CSNK1G1: variants seen among roughly 807,000 people sequenced by gnomAD.
CSNK1G1 encodes the protein casein kinase I isoform gamma-1.
CSNK1G1 carries 22 observed loss-of-function variants against 59.6 expected under a neutral mutation model. That is an observed-to-expected ratio of 0.37 (90% confidence interval 0.26 to 0.53). The LOEUF is 0.53. Among genes scored for constraint, CSNK1G1 ranks in the 20% least tolerant of loss-of-function variants. The probability of loss-of-function intolerance (pLI) is 0.89; values close to 1 mark genes in which losing one functional copy is unlikely to be tolerated. For missense variants in CSNK1G1, 384 were observed against 519.5 expected (o/e 0.74, Z 2.54); for synonymous variants, 179 against 177.1 (o/e 1.01, Z -0.08).
chr15:64,181,328 C>T, intron 10 of CSNK1G1: 1 of 1,536,100 alleles, frequency 6.5e-7, no homozygotes, highest in Non-Finnish European at 8.7e-7. Context: ...CTTCTGCCAC[C>T]TGGTTTCATT....
At position 64,166,243 on chromosome 15, in the gene CSNK1G1, CAGAT is replaced by C; in HGVS notation, c.*5684_*5687del. On this transcript the variant is annotated 3_prime_UTR_variant, in exon 12 of 12. Transcript: ENST00000303052. This position sits in a 1 kb window ranked among gnomAD's most constrained non-coding sequence, Gnocchi z 4.5. ...GAGTACAATGGGCAAAGATCAAAGA[CAGAT>C]AAATAATAATATAATAAATTAGAGC... 9.9e-6 allele frequency: 4 copies of C among 403,980 alleles called. No individual in the cohort carries two copies. Among genetic ancestry groups the C allele is most frequent in the Non-Finnish European group, 1.7e-5 (4 of 229,244 alleles). The allele number at this position is 403,980 out of a possible 1,614,324, so 25.0% of individuals were successfully genotyped here.
intron 11 of CSNK1G1, among the ~76,000 whole-genome samples, chr15:64,175,658 G>C (rs939220244): frequency 3.3e-5 from 5 of 151,934 alleles, no homozygotes; most frequent in Non-Finnish European, 7.4e-5. Flanking sequence ...CTCTCACATA[G>C]GAATAAAGAA....
At chr15:64,229,209 T>C (rs1304149069) in intron 4 of CSNK1G1, among the ~76,000 whole-genome samples, 2 of 152,252 alleles carry the variant, frequency 1.3e-5, no homozygotes, top group East Asian at 3.9e-4. Flanking sequence ...ATGTGTTAAT[T>C]AGAAATATAT....
chr15:64,282,509 G>A (rs1441497829), intron 2 of CSNK1G1, among the ~76,000 whole-genome samples: 1 of 151,804 alleles, frequency 6.6e-6, no homozygotes, highest in Non-Finnish European at 1.5e-5. Flanking sequence ...CAAGAGATCC[G>A]CCCGCCTCTC....
chr15:64,242,437 T>A (rs759596947), intron 4 of CSNK1G1, among the ~76,000 whole-genome samples: 10 of 152,180 alleles, frequency 6.6e-5, no homozygotes, highest in Non-Finnish European at 1.3e-4. Flanking sequence ...ACTTTTGTAT[T>A]GTGATGTACC....
In CSNK1G1 at chr15:64,207,565, G is replaced by C; in HGVS notation, c.709C>G (p.Leu237Val). 1 of 1,613,954 alleles carries C rather than the reference G, an allele frequency of 6.2e-7. No homozygotes were observed. Among genetic ancestry groups the C allele is most frequent in the Non-Finnish European group, 8.5e-7 (1 of 1,179,898 alleles). ...EQSRRDDLEA[L>V]GHMFMYFLRG... ...AGGAAATACATGAACATATGGCCTAGGGCTTCCAAATCATCTCTCCGGCTT... is the reference window on the plus strand; with the variant it reads ...AGGAAATACATGAACATATGGCCTACGGCTTCCAAATCATCTCTCCGGCTT... The change falls in exon 7 of 12, where the codon CTA becomes GTA. Residue 237 changes from leucine to valine, a missense_variant. Leu to Val is a conservative substitution (Grantham distance 32). Transcript: ENST00000303052.
At position 64,168,156 on chromosome 15, in the gene CSNK1G1, G is replaced by A. The variant is rs939083120; in HGVS notation, c.*3775C>T. 2 of 152,644 alleles carry A rather than the reference G, an allele frequency of 1.3e-5. No homozygotes were observed. The highest frequency in any genetic ancestry group is 2.4e-5 in the African/African-American group (1 of 41,448). 9.5% of individuals were successfully genotyped at this position (152,644 alleles called of 1,614,324 possible). ...CAATCAACATGTCTAGAAACCTCAG[G>A]ATCTCTGCTGTCATCTGTAGCTCAT... On this transcript the variant is annotated 3_prime_UTR_variant, in exon 12 of 12. Coordinates refer to ENST00000303052, the MANE Select transcript of CSNK1G1 (RefSeq NM_022048.5).
intron 1 of CSNK1G1, among the ~76,000 whole-genome samples, chr15:64,351,331 A>G (rs1018357704): frequency 1.3e-5 from 2 of 152,232 alleles, no homozygotes; most frequent in African/African-American, 4.8e-5. Context: ...TATGGTACAT[A>G]TATAAACCTT....
intron 1 of CSNK1G1, among the ~76,000 whole-genome samples, chr15:64,348,043 T>C (rs1898074284): frequency 6.6e-6 from 1 of 151,340 alleles, no homozygotes. Flanking sequence ...TCAACGCATA[T>C]TGCTAAGTGA....
chr15:64,204,975 A>T, intron 7 of CSNK1G1, 26 bp from the exon 8 acceptor site: 2 of 1,375,924 alleles, frequency 1.5e-6, no homozygotes, highest in Non-Finnish European at 2.0e-6. Context: ...AGAGAAAGTT[A>T]CTTTAAAAGA....
At chr15:64,256,189 G>C (rs962354904) in intron 3 of CSNK1G1, among the ~76,000 whole-genome samples, 2 of 152,174 alleles carry the variant, frequency 1.3e-5, no homozygotes, top group African/African-American at 2.4e-5. Context: ...CATGGAACTA[G>C]AAGTCGATCA....
chr15:64,351,520 T>C (rs891156164), intron 1 of CSNK1G1, among the ~76,000 whole-genome samples: 6 of 152,240 alleles, frequency 3.9e-5, no homozygotes, highest in African/African-American at 1.2e-4. Context: ...TCTCTATTCA[T>C]TGCACACAAT....
At chr15:64,194,360 T>C (rs1014781036) in intron 10 of CSNK1G1, 3 of 151,328 alleles carry the variant, frequency 2.0e-5, no homozygotes, top group Non-Finnish European at 4.4e-5. Flanking sequence ...TTTTTTAAGG[T>C]ATTCATTTTA....
Position 64,301,376 on chromosome 15 carries a change from A to G in CSNK1G1, c.-224-653T>C, listed in dbSNP as rs1895329400. Among the ~76,000 whole-genome samples, 6 of 152,110 alleles carry G rather than the reference A, an allele frequency of 3.9e-5. No individual in the cohort carries two copies. The South Asian group carries it at 1.2e-3, about 32-fold the overall frequency. On this transcript the variant is annotated intron_variant, in intron 1 of 11. Coordinates refer to ENST00000303052, the MANE Select transcript of CSNK1G1 (RefSeq NM_022048.5). The stretch of plus-strand genomic sequence containing the variant: ...CCAAAGTGAAAATAAAGCAAAAAAA[A>G]AAAAAAAATCTTAAGCGTAACATTC...
At chr15:64,201,573 C>T (rs1209873039) in intron 10 of CSNK1G1, among the ~76,000 whole-genome samples, 3 of 152,100 alleles carry the variant, frequency 2.0e-5, no homozygotes, top group Non-Finnish European at 2.9e-5. Context: ...CCTATTTTCT[C>T]GTTTATATGT....
chr15:64,196,797 T>G (rs1362045546), intron 10 of CSNK1G1, among the ~76,000 whole-genome samples: 1 of 151,578 alleles, frequency 6.6e-6, no homozygotes, highest in Admixed American at 6.6e-5. Flanking sequence ...TGTGTGTGTT[T>G]TTTTTTTTTA....
In CSNK1G1 at chr15:64,180,130, A is replaced by T. The variant is rs146111622; in HGVS notation, c.1214+218T>A. Reference sequence around the variant, plus strand: ...TCTTTCGGTTCACTATGTCTTTTTCATGTGAACTAGAAAAATGTGACTGTC... The same window carrying T: ...TCTTTCGGTTCACTATGTCTTTTTCTTGTGAACTAGAAAAATGTGACTGTC... On this transcript the variant is annotated intron_variant, in intron 11 of 11. Transcript: ENST00000303052. 32 of 533,902 alleles carry T rather than the reference A, an allele frequency of 6.0e-5. No individual in the cohort carries two copies. In the Middle Eastern group the frequency reaches 1.3e-3, roughly 22 times the overall value. The allele number at this position is 533,902 out of a possible 1,614,324, so 33.1% of individuals were successfully genotyped here.
chr15:64,349,538 T>C (rs1898168763), intron 1 of CSNK1G1, among the ~76,000 whole-genome samples: 1 of 152,192 alleles, frequency 6.6e-6, no homozygotes, highest in African/African-American at 2.4e-5. Context: ...AGGGACAGAC[T>C]ACATTAGTGT....
intron 2 of CSNK1G1, among the ~76,000 whole-genome samples, chr15:64,282,242 T>G (rs561529501): frequency 3.9e-5 from 6 of 152,126 alleles, no homozygotes; most frequent in Non-Finnish European, 7.4e-5. Context: ...ACTTTCTATC[T>G]CTACACAATT....
Sources: allele counts gnomAD v4.1 joint callset (sites outside exome capture counted in the v4.1 genomes callset), GRCh38; gene constraint gnomAD v4.1.1; non-coding constraint Gnocchi (gnomAD v3.1); transcripts MANE v1.5; gene names NCBI Gene and HGNC (gene_info 2026-07-23, HGNC 2026-07-21).